The following HS2ST1 variants were observed in gnomAD, a reference collection of about 807,000 sequenced individuals.
The protein encoded by HS2ST1 is heparan sulfate 2-O-sulfotransferase 1, also known as 2-O-sulfotransferase.
A neutral mutation model predicts 42.9 loss-of-function variants in HS2ST1; 18 were observed. The observed-to-expected ratio is 0.42, with a 90% confidence interval of 0.29 to 0.62. The LOEUF is 0.62. HS2ST1 is among the 20% of genes least tolerant of loss of function. HS2ST1 has a pLI of 0.21. For missense variants in HS2ST1, 334 were observed against 433.8 expected (o/e 0.77, Z 2.04); for synonymous variants, 146 against 152.9 (o/e 0.95, Z 0.33).
intron 1 of HS2ST1, among the ~76,000 whole-genome samples, chr1:87,053,023 G>T (rs1012102671): frequency 2.0e-5 from 3 of 152,188 alleles, no homozygotes; most frequent in African/African-American, 7.2e-5. Context: ...TGCATGCTCA[G>T]TTTGAGAACC....
At chr1:86,950,389 C>T (rs1004276650) in intron 1 of HS2ST1, among the ~76,000 whole-genome samples, 1 of 151,678 alleles carries the variant, frequency 6.6e-6, no homozygotes, top group African/African-American at 2.4e-5. Context: ...GGTAGATAGA[C>T]AGACAGACAG....
rs1570552307 is a variant in HS2ST1 at position 87,107,666 on chromosome 1, C to T, written c.*2970C>T. ...ACATATATATATATATGTTTATTTC[C>T]TAAAAGAAGAAAAGATACCTTTCTG... On this transcript the variant is annotated 3_prime_UTR_variant, in exon 7 of 7. Coordinates refer to ENST00000370550, the MANE Select transcript of HS2ST1 (RefSeq NM_012262.4). 1 of 149,270 alleles carries T rather than the reference C, an allele frequency of 6.7e-6. No individual in the cohort carries two copies. The highest frequency in any genetic ancestry group is 1.5e-5 in the Non-Finnish European group (1 of 67,086). The allele number at this position is 149,270 out of a possible 1,614,324, so 9.2% of individuals were successfully genotyped here. A position where few individuals can be genotyped will look rare whatever the true frequency, so the allele number is the denominator to read the frequency against.
intron 1 of HS2ST1, among the ~76,000 whole-genome samples, chr1:87,033,715 G>A (rs1238014085): frequency 6.6e-6 from 1 of 152,106 alleles, no homozygotes; most frequent in Non-Finnish European, 1.5e-5. Context: ...GCTGATTTTT[G>A]TATTTTTAGT....
At chr1:86,931,672 C>T (rs1660547701) in intron 1 of HS2ST1, among the ~76,000 whole-genome samples, 1 of 151,982 alleles carries the variant, frequency 6.6e-6, no homozygotes, top group Non-Finnish European at 1.5e-5. Context: ...TACTATGATA[C>T]TAAAGGCTTT....
chr1:87,001,413 G>A (rs1025034753), intron 1 of HS2ST1, among the ~76,000 whole-genome samples: 2 of 152,008 alleles, frequency 1.3e-5, no homozygotes, highest in Non-Finnish European at 2.9e-5. Context: ...TTTTTTATGT[G>A]GGCTATCTGC....
intron 1 of HS2ST1, among the ~76,000 whole-genome samples, chr1:86,977,664 T>C (rs553413184): frequency 5.3e-5 from 8 of 152,360 alleles, no homozygotes; most frequent in Middle Eastern, 3.4e-3. Flanking sequence ...AAAGGACTTT[T>C]AACCTCAAGC....
intron 1 of HS2ST1, among the ~76,000 whole-genome samples, chr1:86,938,902 A>G (rs532001729): frequency 6.6e-6 from 1 of 152,352 alleles, no homozygotes; most frequent in Admixed American, 6.5e-5. Context: ...CTTGAAAAAT[A>G]AGTAATTCAA....
intron 1 of HS2ST1, among the ~76,000 whole-genome samples, chr1:86,998,687 A>G (rs1157421620): frequency 6.6e-6 from 1 of 152,210 alleles, no homozygotes; most frequent in Non-Finnish European, 1.5e-5. Flanking sequence ...GTACCTTTAA[A>G]TCAGAATTTA....
chr1:86,939,052 A>G (rs978573), intron 1 of HS2ST1, among the ~76,000 whole-genome samples: 3,653 of 152,300 alleles, frequency 0.024, 68 homozygotes, highest in Middle Eastern at 0.048. Flanking sequence ...TGGTTATGCA[A>G]ATAAATTCAA....
intron 1 of HS2ST1, among the ~76,000 whole-genome samples, chr1:87,054,319 T>C (rs1350971526): frequency 2.0e-5 from 3 of 152,152 alleles, no homozygotes; most frequent in Non-Finnish European, 4.4e-5. Context: ...GTTTGTTTTT[T>C]AAAAAGCAGA....
chr1:87,067,872 G>T (rs1045116103), intron 1 of HS2ST1, among the ~76,000 whole-genome samples: 1 of 152,240 alleles, frequency 6.6e-6, no homozygotes, highest in Admixed American at 6.5e-5. Flanking sequence ...AAGATCAGAT[G>T]GTTCTAGATG....
intron 1 of HS2ST1, among the ~76,000 whole-genome samples, chr1:87,032,222 G>A (rs72955509): frequency 0.019 from 2,959 of 152,214 alleles, 47 homozygotes; most frequent in African/African-American, 0.035. Flanking sequence ...AGGCTCACGA[G>A]AAAGTTTTGA....
At chr1:87,006,501 A>G (rs1473884126) in intron 1 of HS2ST1, among the ~76,000 whole-genome samples, 1 of 152,114 alleles carries the variant, frequency 6.6e-6, no homozygotes, top group Non-Finnish European at 1.5e-5. Flanking sequence ...TTATCATGAG[A>G]TTGTATTTTT....
intron 1 of HS2ST1, chr1:86,958,352 C>G (rs1379601953): frequency 6.6e-6 from 1 of 152,174 alleles, no homozygotes; most frequent in African/African-American, 2.4e-5. Flanking sequence ...TTAAGAAAAT[C>G]ACAAGGAATA....
intron 1 of HS2ST1, among the ~76,000 whole-genome samples, chr1:87,030,620 ATTTC>A (rs1289782690): frequency 2.6e-5 from 4 of 152,150 alleles, no homozygotes; most frequent in Non-Finnish European, 5.9e-5. Context: ...ACTTAGTAAT[ATTTC>A]TTTCCAGATT....
chr1:86,934,475 A>T (rs1450064985), intron 1 of HS2ST1: 2 of 152,186 alleles, frequency 1.3e-5, no homozygotes, highest in African/African-American at 4.8e-5. Flanking sequence ...CCAGCAATTT[A>T]CATTACAGTG....
In HS2ST1 at chr1:87,094,044, A is replaced by G. The variant is rs187827981; in HGVS notation, c.588+1375A>G. Among the ~76,000 whole-genome samples, 302 of 152,200 alleles carry G rather than the reference A, an allele frequency of 2.0e-3. 1 individual carries two copies. The highest frequency in any genetic ancestry group is 6.9e-3 in the African/African-American group (287 of 41,556). On this transcript the variant is annotated intron_variant, in intron 4 of 6. Transcript: ENST00000370550. ...GATTCTGCGAAGTTTTATAAAATCT[A>G]TTAGTATAACTCTTATGACTTACTA...
At chr1:87,017,789 C>T (rs1402986534) in intron 1 of HS2ST1, among the ~76,000 whole-genome samples, 5 of 151,804 alleles carry the variant, frequency 3.3e-5, no homozygotes, top group Non-Finnish European at 5.9e-5. Flanking sequence ...CCTATGTTTG[C>T]TTTTTTATTT....
At chr1:87,077,332 C>T (rs886474596) in intron 2 of HS2ST1, among the ~76,000 whole-genome samples, 2 of 152,198 alleles carry the variant, frequency 1.3e-5, no homozygotes, top group African/African-American at 4.8e-5. Context: ...ACTTCTTACC[C>T]ACTAGCCACA....
Sources: allele counts gnomAD v4.1 joint callset (sites outside exome capture counted in the v4.1 genomes callset), GRCh38; gene constraint gnomAD v4.1.1; transcripts MANE v1.5; gene names NCBI Gene and HGNC (gene_info 2026-07-23, HGNC 2026-07-21).